Variants in CABCOCO1 observed in about 807,000 individuals in gnomAD.
The protein encoded by CABCOCO1 is ciliary associated calcium binding coiled-coil 1, also known as ciliary-associated calcium-binding coiled-coil protein 1.
In CABCOCO1, 28 loss-of-function variants were observed where a neutral mutation model predicts 35.7. The observed-to-expected ratio is 0.78, with a 90% CI of 0.58 to 1.07. The LOEUF (loss-of-function observed/expected upper bound fraction) is 1.07, where lower values mean the gene tolerates loss of function less well. Ranked by LOEUF, CABCOCO1 falls within the 50% of genes least tolerant of loss-of-function variation. CABCOCO1 has a pLI of 0.00. For missense variants in CABCOCO1, 326 were observed against 309.2 expected, an observed-to-expected ratio of 1.05 and a Z score of -0.41; for synonymous variants, 95 against 100.1, an observed-to-expected ratio of 0.95 and a Z score of 0.30.
intron 5 of CABCOCO1, among the ~76,000 whole-genome samples, chr10:61,728,106 C>G (rs1019083593): frequency 1.3e-5 from 2 of 152,180 alleles, no homozygotes; most frequent in South Asian, 4.1e-4. Context: ...TTTGTTTCAA[C>G]ATGCTTTTGA....
intron 3 of CABCOCO1, among the ~76,000 whole-genome samples, chr10:61,682,881 A>G (rs1375606440): frequency 1.5e-5 from 1 of 65,936 alleles, no homozygotes; most frequent in Non-Finnish European, 3.5e-5. Context: ...TTAGTTTCAC[A>G]TGAATTTCTT....
intron 2 of CABCOCO1, among the ~76,000 whole-genome samples, chr10:61,678,820 A>G (rs9629894): frequency 0.84 from 128,130 of 152,036 alleles, 54,651 homozygotes; most frequent in Middle Eastern, 0.95. Context: ...ATTGAGACAT[A>G]CCATATACCA....
At position 61,766,732 on chromosome 10, in the gene CABCOCO1, C is replaced by A. The variant is rs964059238; in HGVS notation, c.*719C>A. The A allele has an allele frequency of 6.6e-6, 1 of 151,958 alleles. No individual in the cohort carries two copies. The highest frequency in any genetic ancestry group is 2.4e-5 in the African/African-American group (1 of 41,396). The allele number at this position is 151,958 out of a possible 1,614,324, so 9.4% of individuals were successfully genotyped here. A position where few individuals can be genotyped will look rare whatever the true frequency, so the allele number is the denominator to read the frequency against. ...CAACCTATATATAGATTGTAAAAAT[C>A]TTAAATACAAATCAAACTCATAGAG... On this transcript the variant is annotated 3_prime_UTR_variant, in exon 8 of 8. Transcript: ENST00000648843.
intron 5 of CABCOCO1, among the ~76,000 whole-genome samples, chr10:61,709,662 G>T (rs1840679135): frequency 1.3e-5 from 2 of 150,710 alleles, no homozygotes; most frequent in Admixed American, 1.3e-4. Flanking sequence ...TTAAATCGCT[G>T]TTTGCCTGAC....
intron 5 of CABCOCO1, among the ~76,000 whole-genome samples, chr10:61,692,183 A>G (rs1840165615): frequency 6.6e-6 from 1 of 152,084 alleles, no homozygotes. Context: ...AATGATCACC[A>G]TTTTAACTAG....
chr10:61,671,109 G>A (rs930536954), intron 1 of CABCOCO1, among the ~76,000 whole-genome samples: 3 of 152,122 alleles, frequency 2.0e-5, no homozygotes, highest in African/African-American at 7.2e-5. Flanking sequence ...GGCAGGTCAC[G>A]AGGTCAGGAG....
At chr10:61,677,995 G>T (rs77374608) in intron 2 of CABCOCO1, among the ~76,000 whole-genome samples, 17,278 of 151,568 alleles carry the variant, frequency 0.11, 1,260 homozygotes, top group East Asian at 0.19. Flanking sequence ...AATGTCAGAA[G>T]TATATTTTTT....
rs566203691 is a variant in CABCOCO1, at chr10:61,698,409, C to T, written c.552+7788C>T. 2.0e-5 allele frequency among the ~76,000 whole-genome samples: 3 copies of T among 152,094 alleles called. No homozygotes were observed. In the South Asian group the frequency reaches 6.2e-4, roughly 32 times the overall value. ...CAGATTGTGCAGCCATTGGTGGAGG[C>T]CCTGTTTTTGAAAGCGGTTCTGTAG... is the stretch of plus-strand genomic sequence containing the variant. On this transcript the variant is annotated intron_variant, in intron 5 of 7. Transcript: ENST00000648843.
chr10:61,704,684 G>A (rs547780133), intron 5 of CABCOCO1, among the ~76,000 whole-genome samples: 3 of 152,082 alleles, frequency 2.0e-5, no homozygotes, highest in Non-Finnish European at 4.4e-5. Context: ...TGTTTTAAGC[G>A]CCCAGGCTTG....
intron 5 of CABCOCO1, among the ~76,000 whole-genome samples, chr10:61,731,512 A>C (rs1708998250): frequency 6.6e-6 from 1 of 151,764 alleles, no homozygotes; most frequent in Non-Finnish European, 1.5e-5. Flanking sequence ...CAAATCTCAT[A>C]TTTCACCTTC....
intron 5 of CABCOCO1, among the ~76,000 whole-genome samples, chr10:61,750,058 G>C (rs1161819311): frequency 6.6e-6 from 1 of 151,910 alleles, no homozygotes; most frequent in Non-Finnish European, 1.5e-5. Context: ...ACTCCAGTGG[G>C]TACCTTTCAC....
At chr10:61,671,134 G>C (rs1839345934) in intron 1 of CABCOCO1, among the ~76,000 whole-genome samples, 1 of 152,108 alleles carries the variant, frequency 6.6e-6, no homozygotes, top group Non-Finnish European at 1.5e-5. Flanking sequence ...AGATCATCCT[G>C]GCAAACACAG....
chr10:61,684,651 A>G (rs1043477267), intron 3 of CABCOCO1, among the ~76,000 whole-genome samples: 1 of 152,100 alleles, frequency 6.6e-6, no homozygotes, highest in Admixed American at 6.6e-5. Context: ...CCCCCCACTG[A>G]CATTCATCTC....
At chr10:61,678,102 C>T (rs892633369) in intron 2 of CABCOCO1, among the ~76,000 whole-genome samples, 6 of 151,418 alleles carry the variant, frequency 4.0e-5, no homozygotes, top group Non-Finnish European at 5.9e-5. Flanking sequence ...TTTTATTTTC[C>T]ATTTGGATAA....
chr10:61,711,040 G>T (rs1353388579), intron 5 of CABCOCO1, among the ~76,000 whole-genome samples: 2 of 151,626 alleles, frequency 1.3e-5, no homozygotes, highest in Non-Finnish European at 2.9e-5. Context: ...TACAAAAGAA[G>T]GCAGAAAAAG....
chr10:61,703,227 GACACACACACAC>G (rs35152499), intron 5 of CABCOCO1, among the ~76,000 whole-genome samples: 14 of 141,588 alleles, frequency 9.9e-5, no homozygotes, highest in East Asian at 4.2e-4. Flanking sequence ...CTTGTGAGGA[GACACACACACAC>G]ACACACACAC....
At chr10:61,681,590 A>T (rs1015533267) in intron 3 of CABCOCO1, among the ~76,000 whole-genome samples, 1 of 152,112 alleles carries the variant, frequency 6.6e-6, no homozygotes, top group Non-Finnish European at 1.5e-5. Context: ...ATATCTGAGG[A>T]CTCTGTGGTA....
intron 5 of CABCOCO1, among the ~76,000 whole-genome samples, chr10:61,704,287 A>C (rs550631020): frequency 3.9e-5 from 6 of 152,192 alleles, no homozygotes; most frequent in Non-Finnish European, 8.8e-5. Context: ...TTTCCCCTTG[A>C]AAGTGGGCTG....
chr10:61,734,728 G>C (rs1841377645), intron 5 of CABCOCO1, among the ~76,000 whole-genome samples: 1 of 152,054 alleles, frequency 6.6e-6, no homozygotes, highest in Non-Finnish European at 1.5e-5. Flanking sequence ...CATAACTAAA[G>C]AAGTAAGTGG....
Sources: gnomAD v4.1 joint callset for allele counts (sites outside exome capture counted in the v4.1 genomes callset) on GRCh38, gnomAD v4.1.1 for gene constraint, MANE v1.5 for transcripts, NCBI Gene and HGNC (gene_info 2026-07-23, HGNC 2026-07-21) for gene names.